SGMS1: variants seen among roughly 807,000 people sequenced by gnomAD.
The protein encoded by SGMS1 is phosphatidylcholine:ceramide cholinephosphotransferase 1.
SGMS1 carries 13 observed loss-of-function variants against 46.2 expected under a neutral mutation model. The observed-to-expected ratio is 0.28, with a 90% CI of 0.18 to 0.45. The LOEUF is 0.45. Ranked by LOEUF, SGMS1 falls within the 20% of genes least tolerant of loss-of-function variation. The probability of loss-of-function intolerance (pLI) is 1.00; values close to 1 mark genes in which losing one functional copy is unlikely to be tolerated. For synonymous variants in SGMS1, 203 were observed against 187.8 expected, an observed-to-expected ratio of 1.08 and a Z score of -0.66; for missense variants, 324 against 519.9, an observed-to-expected ratio of 0.62 and a Z score of 3.66.
chr10:50,316,059 T>C (rs1054335091), intron 8 of SGMS1, among the ~76,000 whole-genome samples: 13 of 152,216 alleles, frequency 8.5e-5, no homozygotes, highest in African/African-American at 3.1e-4. Flanking sequence ...GCTAACATAA[T>C]GTACTGATGA....
rs371272033 is a variant in SGMS1 at position 50,502,966 on chromosome 10, T to C, written c.-498+16865A>G. On this transcript the variant is annotated intron_variant, in intron 3 of 10. Transcript: ENST00000361781. ...CAACCCAAAATGTAGTGAAATAAAA[T>C]ATCATATGAAACCATGACCGATACA... Among the ~76,000 whole-genome samples the C allele has an allele frequency of 7.1e-4, 108 of 152,210 alleles. 1 individual carries two copies. Among genetic ancestry groups the C allele is most frequent in the African/African-American group, 2.6e-3 (107 of 41,544 alleles).
At chr10:50,433,357 A>T (rs1472694147) in intron 6 of SGMS1, 119 bp downstream of exon 6, 1 of 152,280 alleles carries the variant, frequency 6.6e-6, no homozygotes, top group Admixed American at 6.5e-5. Context: ...TTTACTTTAT[A>T]AAATAGTTTC....
chr10:50,540,864 C>T (rs1838045607), intron 2 of SGMS1, among the ~76,000 whole-genome samples: 1 of 152,084 alleles, frequency 6.6e-6, no homozygotes, highest in Admixed American at 6.6e-5. Flanking sequence ...TACCAGATTT[C>T]CATTTCATAA....
chr10:50,542,119 A>G (rs1465149025), intron 2 of SGMS1, among the ~76,000 whole-genome samples: 2 of 152,210 alleles, frequency 1.3e-5, no homozygotes, highest in Non-Finnish European at 2.9e-5. Context: ...TTGAAGCTAC[A>G]GCAACCAAAT....
intron 6 of SGMS1, among the ~76,000 whole-genome samples, chr10:50,359,339 G>T (rs1430575063): frequency 1.3e-5 from 2 of 152,128 alleles, no homozygotes; most frequent in African/African-American, 4.8e-5. Flanking sequence ...TATAACTTAT[G>T]CAATTGATAG....
chr10:50,391,375 T>G (rs1349157740), intron 6 of SGMS1, among the ~76,000 whole-genome samples: 2 of 152,210 alleles, frequency 1.3e-5, no homozygotes, highest in African/African-American at 2.4e-5. Flanking sequence ...AGCTGAATTT[T>G]TTTTAAAAGA....
intron 2 of SGMS1, among the ~76,000 whole-genome samples, chr10:50,578,494 T>C (rs1017843181): frequency 5.3e-5 from 8 of 152,328 alleles, no homozygotes; most frequent in African/African-American, 1.4e-4. Flanking sequence ...CATTTATAAA[T>C]TTATTGGTAT....
At chr10:50,395,140 TTG>T (rs1376125767) in intron 6 of SGMS1, among the ~76,000 whole-genome samples, 1 of 152,066 alleles carries the variant, frequency 6.6e-6, no homozygotes, top group Non-Finnish European at 1.5e-5. Flanking sequence ...CATACTGATT[TTG>T]TGTGTGTGTG....
chr10:50,377,318 C>A (rs1028971115), intron 6 of SGMS1, among the ~76,000 whole-genome samples: 1 of 152,212 alleles, frequency 6.6e-6, no homozygotes, highest in East Asian at 1.9e-4. Flanking sequence ...CCCATGATAA[C>A]CCATTCACCC....
At chr10:50,530,125 C>T (rs1301875365) in intron 2 of SGMS1, among the ~76,000 whole-genome samples, 1 of 152,188 alleles carries the variant, frequency 6.6e-6, no homozygotes, top group Non-Finnish European at 1.5e-5. Context: ...AACTAATGAT[C>T]AGCCACCCTG....
intron 6 of SGMS1, among the ~76,000 whole-genome samples, chr10:50,368,414 T>C (rs774782551): frequency 4.7e-4 from 72 of 152,344 alleles, no homozygotes; most frequent in African/African-American, 1.7e-3. Flanking sequence ...TGGAGTGCAA[T>C]GGTGCGATCT....
At chr10:50,491,089 G>A (rs1042482726) in intron 3 of SGMS1, among the ~76,000 whole-genome samples, 2 of 152,230 alleles carry the variant, frequency 1.3e-5, no homozygotes, top group Non-Finnish European at 2.9e-5. Context: ...GCTCATGCCT[G>A]TAATTCCAGC....
intron 2 of SGMS1, among the ~76,000 whole-genome samples, chr10:50,521,577 A>G (rs2133789753): frequency 6.6e-6 from 1 of 152,238 alleles, no homozygotes; most frequent in South Asian, 2.1e-4. Context: ...AGCTGCCATT[A>G]CTTTTCAGCT....
chr10:50,337,727 C>G (rs1314913784), intron 7 of SGMS1, among the ~76,000 whole-genome samples: 1 of 152,052 alleles, frequency 6.6e-6, no homozygotes, highest in Non-Finnish European at 1.5e-5. Flanking sequence ...CTGACAAAAG[C>G]AACTGCCAAT....
chr10:50,364,489 T>G (rs1564890004), intron 6 of SGMS1, among the ~76,000 whole-genome samples: 2 of 152,176 alleles, frequency 1.3e-5, no homozygotes, highest in Non-Finnish European at 2.9e-5. Flanking sequence ...AGGGCTAGTC[T>G]CCATCCTTGA....
At chr10:50,495,359 C>A (rs1288584205) in intron 3 of SGMS1, among the ~76,000 whole-genome samples, 1 of 150,760 alleles carries the variant, frequency 6.6e-6, no homozygotes, top group Non-Finnish European at 1.5e-5. Flanking sequence ...GGCTAAAATG[C>A]CTTAATTTTA....
At chr10:50,392,742 G>A (rs1848791673) in intron 6 of SGMS1, among the ~76,000 whole-genome samples, 1 of 152,206 alleles carries the variant, frequency 6.6e-6, no homozygotes, top group Non-Finnish European at 1.5e-5. Flanking sequence ...GAAATGGTAT[G>A]ATGTCTGGGA....
At chr10:50,449,975 A>G (rs1419825392) in intron 5 of SGMS1, among the ~76,000 whole-genome samples, 1 of 152,144 alleles carries the variant, frequency 6.6e-6, no homozygotes, top group African/African-American at 2.4e-5. Context: ...GGTCCCTGCA[A>G]GATTCCAGGG....
chr10:50,432,761 A>G (rs1223224021), intron 6 of SGMS1, among the ~76,000 whole-genome samples: 3 of 152,224 alleles, frequency 2.0e-5, no homozygotes, highest in African/African-American at 7.2e-5. Context: ...TTTATGAGAG[A>G]TAGTATCAAA....
Sources: gnomAD v4.1 joint callset for allele counts (sites outside exome capture counted in the v4.1 genomes callset) on GRCh38, gnomAD v4.1.1 for gene constraint, MANE v1.5 for transcripts, NCBI Gene and HGNC (gene_info 2026-07-23, HGNC 2026-07-21) for gene names.